Variants in RPS6KC1 observed in about 807,000 individuals in gnomAD.
RPS6KC1 encodes inactive ribosomal protein S6 kinase delta-1.
A neutral mutation model predicts 103.8 loss-of-function variants in RPS6KC1; 54 were observed. That is an observed-to-expected ratio of 0.52 (90% CI 0.42 to 0.65). The LOEUF (loss-of-function observed/expected upper bound fraction) is 0.65, where lower values mean the gene tolerates loss of function less well. RPS6KC1 is among the 30% of genes least tolerant of loss of function. The pLI is 0.00. For synonymous variants in RPS6KC1, 439 were observed against 438.7 expected (o/e 1.00, Z -0.01); for missense variants, 1,151 against 1,253.8 (o/e 0.92, Z 1.24).
chr1:213,105,838 G>A (rs1380714400), intron 4 of RPS6KC1, among the ~76,000 whole-genome samples: 1 of 152,138 alleles, frequency 6.6e-6, no homozygotes, highest in African/African-American at 2.4e-5. Flanking sequence ...GTGTCAGGGA[G>A]TCTGTTTTTT....
chr1:213,084,029 A>G (rs1263603574), intron 3 of RPS6KC1, among the ~76,000 whole-genome samples: 1 of 152,138 alleles, frequency 6.6e-6, no homozygotes, highest in Non-Finnish European at 1.5e-5. Flanking sequence ...AAGAAGAAGA[A>G]TAGTACAAGA....
the RPS6KC1 span, among the ~76,000 whole-genome samples, chr1:213,359,882 G>A: frequency 6.6e-6 from 1 of 152,142 alleles, no homozygotes; most frequent in Non-Finnish European, 1.5e-5. Context: ...TTGAATATTG[G>A]CCCCCAATCT....
the RPS6KC1 span, among the ~76,000 whole-genome samples, chr1:213,663,648 C>G: frequency 4.6e-5 from 7 of 152,328 alleles, no homozygotes; most frequent in Admixed American, 3.3e-4. Flanking sequence ...CTCTATTCCT[C>G]TCTGTCTCTT....
the RPS6KC1 span, among the ~76,000 whole-genome samples, chr1:213,688,161 C>G: frequency 6.6e-6 from 1 of 152,048 alleles, no homozygotes; most frequent in African/African-American, 2.4e-5. Context: ...TGGAAGCCAC[C>G]CTGTGGAATG....
chr1:213,727,395 C>G, the RPS6KC1 span, among the ~76,000 whole-genome samples: 1 of 152,128 alleles, frequency 6.6e-6, no homozygotes, highest in Admixed American at 6.5e-5. Flanking sequence ...GAAGAAAAAG[C>G]ATTAAACATC....
At chr1:213,088,224 CCTT>C (rs2080609413) in intron 3 of RPS6KC1, among the ~76,000 whole-genome samples, 1 of 152,164 alleles carries the variant, frequency 6.6e-6, no homozygotes, top group Non-Finnish European at 1.5e-5. Flanking sequence ...CCCAACCACA[CCTT>C]CTCTACAGAG....
chr1:213,215,968 A>G (rs1028638124), intron 8 of RPS6KC1, among the ~76,000 whole-genome samples: 1 of 152,220 alleles, frequency 6.6e-6, no homozygotes, highest in Non-Finnish European at 1.5e-5. Context: ...AAACTGCATC[A>G]ACTAACGAGC....
At chr1:213,160,941 T>A (rs1291213983) in intron 6 of RPS6KC1, among the ~76,000 whole-genome samples, 1 of 152,110 alleles carries the variant, frequency 6.6e-6, no homozygotes, top group East Asian at 1.9e-4. Context: ...GGCACATGTA[T>A]ACATATGTAA....
At chr1:213,824,198 C>A in the RPS6KC1 span, among the ~76,000 whole-genome samples, 2 of 152,194 alleles carry the variant, frequency 1.3e-5, no homozygotes, top group Admixed American at 1.3e-4. Flanking sequence ...CAAAGTATGA[C>A]CAAGACAGTG....
At chr1:213,792,610 T>A in the RPS6KC1 span, among the ~76,000 whole-genome samples, 1 of 152,134 alleles carries the variant, frequency 6.6e-6, no homozygotes, top group African/African-American at 2.4e-5. Flanking sequence ...ACTTATAGAT[T>A]ATGGAATTTT....
chr1:213,581,539 G>A, the RPS6KC1 span, among the ~76,000 whole-genome samples: 1 of 152,036 alleles, frequency 6.6e-6, no homozygotes, highest in Non-Finnish European at 1.5e-5. Flanking sequence ...GCATGGGCTC[G>A]AGAGCTGCAG....
the RPS6KC1 span, among the ~76,000 whole-genome samples, chr1:213,512,431 G>A: frequency 1.3e-5 from 2 of 152,166 alleles, no homozygotes; most frequent in Non-Finnish European, 2.9e-5. Context: ...AGAAGACTCA[G>A]CCCTTTCTGA....
At chr1:213,541,345 G>T in the RPS6KC1 span, among the ~76,000 whole-genome samples, 477 of 151,774 alleles carry the variant, frequency 3.1e-3, no homozygotes, top group Non-Finnish European at 4.4e-3. Flanking sequence ...AATAATGAAA[G>T]TGTTTGACAT....
At chr1:213,594,582 T>G in the RPS6KC1 span, among the ~76,000 whole-genome samples, 9 of 152,212 alleles carry the variant, frequency 5.9e-5, no homozygotes, top group Admixed American at 1.3e-4. Context: ...AGTGATTATT[T>G]GTACCACCTC....
the RPS6KC1 span, among the ~76,000 whole-genome samples, chr1:213,508,345 G>T: frequency 6.6e-6 from 1 of 152,174 alleles, no homozygotes; most frequent in Non-Finnish European, 1.5e-5. Flanking sequence ...CAAAGAAAAT[G>T]ATTTTCTGAA....
chr1:213,679,106 C>G, the RPS6KC1 span, among the ~76,000 whole-genome samples: 1 of 152,134 alleles, frequency 6.6e-6, no homozygotes, highest in Non-Finnish European at 1.5e-5. Flanking sequence ...AACTGAATAC[C>G]AGGGGAAGGA....
At chr1:213,130,564 C>T (rs904932129) in intron 6 of RPS6KC1, among the ~76,000 whole-genome samples, 1 of 152,040 alleles carries the variant, frequency 6.6e-6, no homozygotes, top group Non-Finnish European at 1.5e-5. Context: ...TACAGAAGAT[C>T]ATCATTTTCA....
chr1:213,059,869 C>T lies in RPS6KC1; in HGVS notation c.105+8360C>T, dbSNP rs117215722. Among the ~76,000 whole-genome samples the T allele has an allele frequency of 9.3e-3, 1,421 of 152,272 alleles. 48 individuals carry two copies. The highest frequency in any genetic ancestry group is 0.07 in the East Asian group (360 of 5,168). ...TATGTGTTTAATAGAGATGGGGTTT[C>T]ATCATGTTGACCAGGATGGTCTCCA... is the stretch of plus-strand genomic sequence containing the variant. On this transcript the variant is annotated intron_variant, in intron 1 of 14. Transcript: ENST00000366960.
the RPS6KC1 span, among the ~76,000 whole-genome samples, chr1:213,649,235 A>G: frequency 1.4e-5 from 2 of 146,714 alleles, no homozygotes; most frequent in Admixed American, 1.4e-4. Context: ...TATACAGCCT[A>G]TGAGTACGTT....
Sources: allele counts gnomAD v4.1 joint callset (sites outside exome capture counted in the v4.1 genomes callset), GRCh38; gene constraint gnomAD v4.1.1; transcripts MANE v1.5; gene names NCBI Gene and HGNC (gene_info 2026-07-23, HGNC 2026-07-21).